The following CAMTA1 variants were observed in gnomAD, a reference collection of about 807,000 sequenced individuals.
CAMTA1 encodes the protein calmodulin-binding transcription activator 1.
CAMTA1 carries 27 observed loss-of-function variants against 170.9 expected under a neutral mutation model. That is an observed-to-expected ratio of 0.16 (90% CI 0.12 to 0.22). CAMTA1 has a LOEUF of 0.22. Among genes scored for constraint, CAMTA1 ranks in the 10% least tolerant of loss-of-function variants. The pLI is 1.00. For synonymous variants in CAMTA1, 833 were observed against 891.5 expected (o/e 0.93, Z 1.17); for missense variants, 1,619 against 2,217.2 (o/e 0.73, Z 5.42).
intron 7 of CAMTA1, among the ~76,000 whole-genome samples, chr1:7,651,431 T>C (rs1034738295): frequency 1.3e-5 from 2 of 152,210 alleles, no homozygotes; most frequent in Non-Finnish European, 2.9e-5. Context: ...GGCCTTGCCC[T>C]GTCATCCTTC....
chr1:7,677,756 C>T, intron 11 of CAMTA1, 23 bp downstream of exon 11: 1 of 1,607,130 alleles, frequency 6.2e-7, no homozygotes, highest in Non-Finnish European at 8.5e-7. Flanking sequence ...CTTGGGTCGT[C>T]TTGCCAGGCA....
chr1:7,207,321 T>C (rs192787906), intron 4 of CAMTA1, among the ~76,000 whole-genome samples: 1 of 152,290 alleles, frequency 6.6e-6, no homozygotes, highest in African/African-American at 2.4e-5. Flanking sequence ...TGATACCCAG[T>C]GAGCGTGTCA....
intron 3 of CAMTA1, among the ~76,000 whole-genome samples, chr1:6,954,170 C>T (rs574620748): frequency 2.6e-5 from 4 of 152,336 alleles, no homozygotes; most frequent in South Asian, 4.1e-4. Context: ...AAAGCTGGTC[C>T]CACATCATGG....
chr1:7,397,635 G>A (rs1557650232), intron 5 of CAMTA1, among the ~76,000 whole-genome samples: 1 of 151,808 alleles, frequency 6.6e-6, no homozygotes, highest in Admixed American at 6.6e-5. Context: ...TTTGATATAG[G>A]CATTTATTGC....
chr1:7,442,573 A>G (rs61363326), intron 5 of CAMTA1, among the ~76,000 whole-genome samples: 6,618 of 152,214 alleles, frequency 0.043, 398 homozygotes, highest in African/African-American at 0.13. Context: ...AAAGTGGCAC[A>G]CGGGTTGAGA....
At chr1:6,958,443 C>T (rs1478073335) in intron 3 of CAMTA1, among the ~76,000 whole-genome samples, 2 of 152,168 alleles carry the variant, frequency 1.3e-5, no homozygotes, top group Non-Finnish European at 2.9e-5. Flanking sequence ...GCTGGACTCT[C>T]CTCTCGGACA....
rs966514795 is a variant in CAMTA1 at position 7,562,655 on chromosome 1, T to C, written c.511-77745T>C. Among the ~76,000 whole-genome samples, 1 of 152,214 alleles carries C rather than the reference T, an allele frequency of 6.6e-6. No homozygotes were observed. The highest frequency in any genetic ancestry group is 1.5e-5 in the Non-Finnish European group (1 of 68,030). ...ACAACCGTCCGAAGAGATACCCAAA[T>C]TGTACGCCACTGCTCAGATGGTTTA... On this transcript the variant is annotated intron_variant, in intron 6 of 22. Coordinates refer to ENST00000303635, the MANE Select transcript of CAMTA1 (RefSeq NM_015215.4). This position sits in a 1 kb window ranked among gnomAD's most constrained non-coding sequence, Gnocchi z 4.8.
intron 3 of CAMTA1, among the ~76,000 whole-genome samples, chr1:6,984,073 G>GGTAGGTGGATGT (rs2100242727): frequency 6.6e-6 from 1 of 151,778 alleles, no homozygotes; most frequent in Non-Finnish European, 1.5e-5. Flanking sequence ...TGGGTGGATG[G>GGTAGGTGGATGT]GTGGATAGAT....
At chr1:7,100,950 C>T (rs773047342) in intron 4 of CAMTA1, among the ~76,000 whole-genome samples, 10 of 152,200 alleles carry the variant, frequency 6.6e-5, no homozygotes, top group African/African-American at 1.9e-4. Context: ...CTGTGATGCA[C>T]GTTGGGGTGC....
chr1:7,059,442 A>G (rs11120827), intron 3 of CAMTA1, among the ~76,000 whole-genome samples: 6,947 of 151,998 alleles, frequency 0.046, 513 homozygotes, highest in African/African-American at 0.16. Flanking sequence ...ATATACCGGG[A>G]CCCCATCTCT....
At chr1:7,140,993 T>C (rs979583586) in intron 4 of CAMTA1, among the ~76,000 whole-genome samples, 1 of 152,192 alleles carries the variant, frequency 6.6e-6, no homozygotes, top group Admixed American at 6.5e-5. Context: ...GAAGATGAAG[T>C]AGCATGACTG....
chr1:7,705,108 A>G (rs66480654), intron 11 of CAMTA1, among the ~76,000 whole-genome samples: 139,706 of 151,016 alleles, frequency 0.93, 64,720 homozygotes, highest in East Asian at 1. Flanking sequence ...TACGCGCGGC[A>G]GGGAGGGGCC....
chr1:7,669,630 T>A (rs1019133724), intron 9 of CAMTA1, among the ~76,000 whole-genome samples: 4 of 152,220 alleles, frequency 2.6e-5, no homozygotes, highest in African/African-American at 9.6e-5. Context: ...CCTGGCGGCC[T>A]TCTCCAGCCT....
At chr1:7,658,723 ATCTGTCT>A (rs1184804042) in intron 7 of CAMTA1, among the ~76,000 whole-genome samples, 1 of 152,148 alleles carries the variant, frequency 6.6e-6, no homozygotes, top group African/African-American at 2.4e-5. Flanking sequence ...TTCTGCAGTA[ATCTGTCT>A]TCTGTATTGA....
intron 3 of CAMTA1, among the ~76,000 whole-genome samples, chr1:7,085,397 C>G (rs1640607650): frequency 6.6e-6 from 1 of 152,238 alleles, no homozygotes. Context: ...TCTGCTGTGT[C>G]AGCAGTCATC....
Position 7,251,739 on chromosome 1 carries a change from G to A in CAMTA1, c.438+2113G>A, listed in dbSNP as rs191237525. 1.3e-5 allele frequency among the ~76,000 whole-genome samples: 2 copies of A among 152,324 alleles called. No individual in the cohort carries two copies. The highest frequency in any genetic ancestry group is 3.9e-4 in the East Asian group (2 of 5,188). On this transcript the variant is annotated intron_variant, in intron 5 of 22. Transcript: ENST00000303635. This position sits in a 1 kb window ranked among gnomAD's most constrained non-coding sequence, Gnocchi z 5.1. ...GTCATCAATAGTGCTGAGACGCAGA[G>A]CAGCCTGGGCTTTTATGATAAGCAT...
At chr1:7,406,096 G>T (rs2149231467) in intron 5 of CAMTA1, among the ~76,000 whole-genome samples, 1 of 152,352 alleles carries the variant, frequency 6.6e-6, no homozygotes, top group South Asian at 2.1e-4. Flanking sequence ...TTCTGCAGCA[G>T]CATGGGCTCC....
At chr1:7,540,985 A>G (rs1211165560) in intron 6 of CAMTA1, among the ~76,000 whole-genome samples, 2 of 152,358 alleles carry the variant, frequency 1.3e-5, no homozygotes, top group Non-Finnish European at 2.9e-5. Flanking sequence ...TGCCCTGGGC[A>G]CGTCGACCTG....
rs543863573 is a variant in CAMTA1 at position 7,103,664 on chromosome 1, C to T, written c.302+12293C>T. Among the ~76,000 whole-genome samples the T allele has an allele frequency of 6.1e-5, 9 of 147,268 alleles. No individual in the cohort carries two copies. In the East Asian group the frequency reaches 1.7e-3, roughly 27 times the overall value. Reference sequence around the variant, plus strand: ...GCACACACAACACAACACATGTACACGCAACTACACACATGCACACAACAG... The same window carrying T: ...GCACACACAACACAACACATGTACATGCAACTACACACATGCACACAACAG... On this transcript the variant is annotated intron_variant, in intron 4 of 22. Transcript: ENST00000303635.
Sources: gnomAD v4.1 joint callset for allele counts (sites outside exome capture counted in the v4.1 genomes callset) on GRCh38, gnomAD v4.1.1 for gene constraint, Gnocchi (gnomAD v3.1) non-coding constraint, MANE v1.5 for transcripts, NCBI Gene and HGNC (gene_info 2026-07-23, HGNC 2026-07-21) for gene names.